The following WDR43 variants were observed in gnomAD, a reference collection of about 807,000 sequenced individuals.
WDR43 encodes the protein WD repeat domain 43.
A neutral mutation model predicts 91.4 loss-of-function variants in WDR43; 13 were observed. That is an observed-to-expected ratio of 0.14 (90% CI 0.09 to 0.23). The LOEUF is 0.23. WDR43 is among the 10% of genes least tolerant of loss of function. The pLI, the probability that WDR43 is intolerant of heterozygous loss-of-function variation, is 1.00. For missense variants in WDR43, 780 were observed against 809.4 expected (o/e 0.96, Z 0.44); for synonymous variants, 331 against 287.9 (o/e 1.15, Z -1.51).
chr2:28,916,805 T>G (rs1670919576), intron 5 of WDR43, among the ~76,000 whole-genome samples: 1 of 152,246 alleles, frequency 6.6e-6, no homozygotes, highest in East Asian at 1.9e-4. Flanking sequence ...TTTATTTTTT[T>G]GTTTATATTA....
rs988595766 is a variant in WDR43 at position 28,935,705 on chromosome 2, T to G, written c.1524+98T>G. ...TGGATTTGTAATACGTAAGGACACA[T>G]GGCATTTAGAGTGAGTAATGGATGG... On this transcript the variant is annotated intron_variant, in intron 12 of 17. Coordinates refer to ENST00000407426, the MANE Select transcript of WDR43 (RefSeq NM_015131.3). The G allele has an allele frequency of 6.2e-6, 4 of 641,092 alleles. No homozygotes were observed. In the African/African-American group the frequency reaches 8.0e-5, roughly 13 times the overall value. 39.7% of individuals were successfully genotyped at this position (641,092 alleles called of 1,614,324 possible). A position where few individuals can be genotyped will look rare whatever the true frequency, so the allele number is the denominator to read the frequency against.
intron 2 of WDR43, among the ~76,000 whole-genome samples, chr2:28,903,138 A>G (rs1670608774): frequency 6.6e-6 from 1 of 152,186 alleles, no homozygotes; most frequent in African/African-American, 2.4e-5. Flanking sequence ...TTACAACATA[A>G]CTATCTTATA....
intron 14 of WDR43, among the ~76,000 whole-genome samples, chr2:28,939,411 CA>C (rs1354049555): frequency 2.0e-5 from 3 of 152,128 alleles, no homozygotes; most frequent in Non-Finnish European, 4.4e-5. Context: ...GAGGTATAAC[CA>C]GAGTAGTTGT....
intron 16 of WDR43, among the ~76,000 whole-genome samples, chr2:28,945,590 G>T (rs549007693): frequency 6.6e-6 from 1 of 152,288 alleles, no homozygotes; most frequent in East Asian, 1.9e-4. Context: ...CTTTAAACTG[G>T]ATGTGAGGCC....
chr2:28,901,680 T>C (rs929996755), intron 1 of WDR43, among the ~76,000 whole-genome samples: 5 of 152,140 alleles, frequency 3.3e-5, no homozygotes, highest in African/African-American at 1.2e-4. Context: ...GGGCGGCCTG[T>C]TTCTGAGAAG....
intron 2 of WDR43, among the ~76,000 whole-genome samples, chr2:28,904,571 A>G (rs542347098): frequency 1.7e-4 from 26 of 152,326 alleles, no homozygotes; most frequent in African/African-American, 6.3e-4. Flanking sequence ...GGAACAGACT[A>G]AAAATGCCAC....
In WDR43 at chr2:28,922,994, A is replaced by C; in HGVS notation, c.914+11A>C. 1.2e-6 allele frequency: 2 copies of C among 1,607,676 alleles called. No individual in the cohort carries two copies. Among genetic ancestry groups the C allele is most frequent in the East Asian group, 2.2e-5 (1 of 44,800 alleles). Reference sequence around the variant, plus strand: ...ACACATATTAAATGGGTAAGTAAGAAATTTTCCAAGTAAGAAATTTGTTTC... The same window carrying C: ...ACACATATTAAATGGGTAAGTAAGACATTTTCCAAGTAAGAAATTTGTTTC... On this transcript the variant is annotated intron_variant, in intron 7 of 17. Coordinates refer to ENST00000407426, the MANE Select transcript of WDR43 (RefSeq NM_015131.3).
rs1485091126 is a variant in WDR43 at position 28,947,875 on chromosome 2, T to TTTG, written c.*1098_*1099insGTT. The TTTG allele has an allele frequency of 2.7e-5, 4 of 149,290 alleles. No homozygotes were observed. The highest frequency in any genetic ancestry group is 7.3e-5 in the African/African-American group (3 of 40,910). 9.2% of individuals were successfully genotyped at this position (149,290 alleles called of 1,614,324 possible). A position where few individuals can be genotyped will look rare whatever the true frequency, so the allele number is the denominator to read the frequency against. ...AATTATCAGTAGTAGTTTTTTTTTT[T>TTTG]TTTTTTTTTTTTTTAAAGAATGAGC... On this transcript the variant is annotated 3_prime_UTR_variant, in exon 18 of 18. Transcript: ENST00000407426.
At chr2:28,945,340 A>G (rs901341815) in intron 16 of WDR43, among the ~76,000 whole-genome samples, 4 of 152,220 alleles carry the variant, frequency 2.6e-5, no homozygotes, top group Non-Finnish European at 5.9e-5. Context: ...ATCTTTCTCC[A>G]GTTATCCGTA....
chr2:28,929,542 G>A (rs1330519455), intron 10 of WDR43, 37 bp from the exon 11 acceptor site: 1 of 1,471,796 alleles, frequency 6.8e-7, no homozygotes, highest in African/African-American at 1.4e-5. Flanking sequence ...TTTAAGTCTT[G>A]TCTGGTAACA....
chr2:28,940,238 T>C (rs1416193316), intron 14 of WDR43, among the ~76,000 whole-genome samples: 2 of 151,906 alleles, frequency 1.3e-5, no homozygotes, highest in Admixed American at 1.3e-4. Context: ...TTTTCTTTTT[T>C]TTTTTCTTGA....
In WDR43 at chr2:28,931,077, C is replaced by CTTT. The variant is rs777986889; in HGVS notation, c.1437+1380_1437+1382dup. Among the ~76,000 whole-genome samples, 208 of 137,798 alleles carry CTTT rather than the reference C, an allele frequency of 1.5e-3. 1 individual carries two copies. Among genetic ancestry groups the CTTT allele is most frequent in the African/African-American group, 2.8e-3 (105 of 37,634 alleles). 90.4% of individuals were successfully genotyped at this position (137,798 alleles called of 152,430 possible). On this transcript the variant is annotated intron_variant, in intron 11 of 17. Coordinates refer to ENST00000407426, the MANE Select transcript of WDR43 (RefSeq NM_015131.3). Reference sequence around the variant, plus strand: ...GTCTCAAACTTTTTTTTTATTTCTGCTTTTTTTTTTTTTTTGGAGATAGAG... The same window carrying CTTT: ...GTCTCAAACTTTTTTTTTATTTCTGCTTTTTTTTTTTTTTTTTTGGAGATAGAG...
intron 5 of WDR43, among the ~76,000 whole-genome samples, chr2:28,917,302 A>C (rs1247605890): frequency 6.6e-5 from 10 of 152,196 alleles, no homozygotes; most frequent in Admixed American, 2.6e-4. Flanking sequence ...ATGACTTTGC[A>C]AATAAGGAAT....
chr2:28,926,491 T>C lies in WDR43; in HGVS notation c.1110T>C (p.His370=), dbSNP rs146876414. The change falls in exon 9 of 18, where the codon CAT becomes CAC. Residue 370 remains histidine, a synonymous_variant. Transcript: ENST00000407426. ...AGGCTTTAAACTCCAGAGAACCTCA[T>C]ATGTGTTTAGTAAGAGATATTTCAA... ...ERVALNSREP[H]MCLVRDISNC... The C allele has an allele frequency of 4.0e-4, 641 of 1,596,078 alleles. 7 individuals are homozygous for C. In the East Asian group the frequency reaches 0.014, roughly 34 times the overall value.
rs184686429 is a variant in WDR43, at chr2:28,930,659, T to C, written c.1437+949T>C. Among the ~76,000 whole-genome samples the C allele has an allele frequency of 7.6e-3, 1,152 of 152,344 alleles. 7 individuals carry two copies. The highest frequency in any genetic ancestry group is 0.011 in the Non-Finnish European group (749 of 68,018). ...AAAACAATTGACAGTGTTTTTGAAA[T>C]GGAATATAACTTAACTGCCCTCATT... On this transcript the variant is annotated intron_variant, in intron 11 of 17. Coordinates refer to ENST00000407426, the MANE Select transcript of WDR43 (RefSeq NM_015131.3).
intron 6 of WDR43, among the ~76,000 whole-genome samples, chr2:28,921,618 CAGTT>C (rs1271327532): frequency 6.6e-6 from 1 of 152,306 alleles, no homozygotes; most frequent in Non-Finnish European, 1.5e-5. Context: ...TTTCTATAGA[CAGTT>C]AGAGATTAGA....
chr2:28,907,452 A>C (rs1670703866), intron 3 of WDR43, among the ~76,000 whole-genome samples: 1 of 137,558 alleles, frequency 7.3e-6, no homozygotes, highest in Admixed American at 8.0e-5. Context: ...TTTACAAAAA[A>C]AAAAAAAAAA....
In WDR43 at chr2:28,946,698, C is replaced by T. The variant is rs112902967; in HGVS notation, c.1953C>T (p.Gly651=). 37 of 1,576,574 alleles carry T rather than the reference C, an allele frequency of 2.3e-5. 1 individual carries two copies. In the African/African-American group the frequency reaches 3.1e-4, roughly 13 times the overall value. The change falls in exon 18 of 18, where the codon GGC becomes GGT. Residue 651 remains glycine, a synonymous_variant. Transcript: ENST00000407426. ...EDAEGKDEEN[G]EDRDTASEKE... Reference sequence around the variant, plus strand: ...CCGAAGGAAAAGATGAAGAAAATGGCGAGGACAGAGATACAGCAAGTGAAA... The same window carrying T: ...CCGAAGGAAAAGATGAAGAAAATGGTGAGGACAGAGATACAGCAAGTGAAA...
At chr2:28,918,083 A>G (rs1046684581) in intron 6 of WDR43, 88 bp downstream of exon 6, 1 of 1,166,804 alleles carries the variant, frequency 8.6e-7, no homozygotes, top group African/African-American at 1.6e-5. Flanking sequence ...ATGACTTGAG[A>G]AATAGAGAGG....
Sources: allele counts gnomAD v4.1 joint callset (sites outside exome capture counted in the v4.1 genomes callset), GRCh38; gene constraint gnomAD v4.1.1; transcripts MANE v1.5; gene names NCBI Gene and HGNC (gene_info 2026-07-23, HGNC 2026-07-21).